IL23R: variants seen among roughly 807,000 people sequenced by gnomAD.
The protein encoded by IL23R is interleukin 23 receptor.
A neutral mutation model predicts 56.9 loss-of-function variants in IL23R; 34 were observed. That is an observed-to-expected ratio of 0.60 (90% CI 0.45 to 0.80). The LOEUF is 0.80. IL23R is among the 30% of genes least tolerant of loss of function. IL23R has a pLI of 0.00. For synonymous variants in IL23R, 230 were observed against 249.2 expected (o/e 0.92, Z 0.73); for missense variants, 635 against 730.0 (o/e 0.87, Z 1.50).
intron 1 of IL23R, among the ~76,000 whole-genome samples, chr1:67,144,624 A>T (rs1271077417): frequency 2.6e-5 from 4 of 152,210 alleles, no homozygotes; most frequent in Admixed American, 6.5e-5. Context: ...CATTAATTCT[A>T]GAACGATTGA....
chr1:67,149,059 TAATAAC>T (rs1646706408), intron 1 of IL23R, among the ~76,000 whole-genome samples: 1 of 152,174 alleles, frequency 6.6e-6, no homozygotes, highest in South Asian at 2.1e-4. Context: ...ATTGTAGTGA[TAATAAC>T]CTAACTGATA....
chr1:67,197,136 G>T (rs905755544), intron 4 of IL23R, among the ~76,000 whole-genome samples: 3 of 152,122 alleles, frequency 2.0e-5, no homozygotes, highest in Admixed American at 2.0e-4. Flanking sequence ...AAGAAACCCA[G>T]GTGGAAGGCT....
chr1:67,263,864 A>G (rs987308321), downstream of IL23R, among the ~76,000 whole-genome samples: 1 of 32,746 alleles, frequency 3.1e-5, no homozygotes, highest in Non-Finnish European at 6.7e-5. Flanking sequence ...ACTCCATCGC[A>G]AAAAAAAAAA....
Position 67,166,470 on chromosome 1 carries a change from A to C in IL23R, c.-101A>C, listed in dbSNP as rs1646875041. The C allele has an allele frequency of 6.6e-6, 1 of 152,400 alleles. No homozygotes were observed. The highest frequency in any genetic ancestry group is 1.5e-5 in the Non-Finnish European group (1 of 68,048). 9.4% of individuals were successfully genotyped at this position (152,400 alleles called of 1,614,324 possible). A position where few individuals can be genotyped will look rare whatever the true frequency, so the allele number is the denominator to read the frequency against. On this transcript the variant is annotated 5_prime_UTR_variant, in exon 1 of 11. Coordinates refer to ENST00000347310, the MANE Select transcript of IL23R (RefSeq NM_144701.3). ...CTGACAGGCAGGCAGTGAGGAAAGA[A>C]GACATGACACAGCCAACAAGGGTGG...
chr1:67,147,467 G>A (rs528696362), intron 1 of IL23R, among the ~76,000 whole-genome samples: 1 of 152,302 alleles, frequency 6.6e-6, no homozygotes, highest in East Asian at 1.9e-4. Context: ...GGGAGGCCGA[G>A]GCAGGTGTAT....
At chr1:67,189,644 G>GA (rs1570812466) in intron 4 of IL23R, among the ~76,000 whole-genome samples, 1 of 152,082 alleles carries the variant, frequency 6.6e-6, no homozygotes, top group Non-Finnish European at 1.5e-5. Context: ...CTAATGAGTT[G>GA]AAAAAAATTA....
intron 1 of IL23R, among the ~76,000 whole-genome samples, chr1:67,142,863 C>T (rs1039586158): frequency 4.6e-5 from 7 of 152,180 alleles, no homozygotes; most frequent in East Asian, 1.9e-4. Flanking sequence ...CCACTGTGTC[C>T]GGCCTGGTCT....
chr1:67,265,368 G>C, the IL23R span, among the ~76,000 whole-genome samples: 4 of 152,092 alleles, frequency 2.6e-5, no homozygotes, highest in Non-Finnish European at 4.4e-5. Flanking sequence ...ATCATCAAAG[G>C]TAATGACTCT....
At chr1:67,217,337 C>T (rs751106024) in intron 6 of IL23R, among the ~76,000 whole-genome samples, 3 of 152,154 alleles carry the variant, frequency 2.0e-5, no homozygotes, top group Non-Finnish European at 4.4e-5. Context: ...CCTGAGGTAT[C>T]ATGTTGTACT....
upstream of IL23R, among the ~76,000 whole-genome samples, chr1:67,165,826 G>A (rs183335595): frequency 5.5e-4 from 84 of 152,168 alleles, no homozygotes; most frequent in African/African-American, 1.9e-3. Flanking sequence ...GGAGGGAAAG[G>A]AAGCTATTGG....
At chr1:67,148,819 A>G (rs528031468) in intron 1 of IL23R, among the ~76,000 whole-genome samples, 1 of 152,086 alleles carries the variant, frequency 6.6e-6, no homozygotes, top group Non-Finnish European at 1.5e-5. Flanking sequence ...CAGTAGCAGC[A>G]GTGTTAGAAC....
At chr1:67,213,022 G>A (rs952451604) in intron 6 of IL23R, among the ~76,000 whole-genome samples, 1 of 151,844 alleles carries the variant, frequency 6.6e-6, no homozygotes, top group East Asian at 1.9e-4. Context: ...TACAGGCATC[G>A]GGCACCACGT....
At chr1:67,230,361 G>A (rs907364157) in intron 7 of IL23R, among the ~76,000 whole-genome samples, 5 of 152,206 alleles carry the variant, frequency 3.3e-5, no homozygotes, top group Admixed American at 1.3e-4. Flanking sequence ...ATACAGATTG[G>A]AAGATGCTAT....
downstream of IL23R, among the ~76,000 whole-genome samples, chr1:67,260,340 A>T (rs531986934): frequency 6.6e-6 from 1 of 152,322 alleles, no homozygotes; most frequent in African/African-American, 2.4e-5. Context: ...ATGCAGGATC[A>T]GCAAGACGTA....
At chr1:67,212,466 C>T (rs570217459) in intron 6 of IL23R, among the ~76,000 whole-genome samples, 4 of 152,026 alleles carry the variant, frequency 2.6e-5, no homozygotes, top group African/African-American at 4.8e-5. Flanking sequence ...TACTTCAAAG[C>T]GACAGGAAAG....
intron 3 of IL23R, among the ~76,000 whole-genome samples, chr1:67,170,112 G>C (rs1646924127): frequency 6.6e-6 from 1 of 152,162 alleles, no homozygotes; most frequent in African/African-American, 2.4e-5. Flanking sequence ...CCAAGGTTTA[G>C]GGAGAGTTGC....
chr1:67,242,164 G>T (rs369221049), intron 9 of IL23R, among the ~76,000 whole-genome samples: 11 of 152,182 alleles, frequency 7.2e-5, no homozygotes, highest in African/African-American at 2.7e-4. Flanking sequence ...CCTGCTAGAA[G>T]AGTGAAGGCC....
At chr1:67,251,179 G>T (rs528088520) in intron 9 of IL23R, among the ~76,000 whole-genome samples, 3 of 152,236 alleles carry the variant, frequency 2.0e-5, no homozygotes, top group Non-Finnish European at 4.4e-5. Flanking sequence ...GTGGCCAGGC[G>T]CAGTGGCTCA....
At chr1:67,190,416 A>G (rs1647653371) in intron 4 of IL23R, among the ~76,000 whole-genome samples, 1 of 147,674 alleles carries the variant, frequency 6.8e-6, no homozygotes. Flanking sequence ...TTGCTGTTTC[A>G]AAGGGTAATG....
Sources: allele counts gnomAD v4.1 joint callset (sites outside exome capture counted in the v4.1 genomes callset), GRCh38; gene constraint gnomAD v4.1.1; transcripts MANE v1.5; gene names NCBI Gene and HGNC (gene_info 2026-07-23, HGNC 2026-07-21).